The following FAM222A variants were observed in gnomAD, a reference collection of about 807,000 sequenced individuals.
FAM222A encodes the protein protein FAM222A.
In FAM222A, 7 loss-of-function variants were observed where a neutral mutation model predicts 25.8. The ratio of observed to expected loss-of-function variants is 0.27; its 90% CI spans 0.15 to 0.51. The LOEUF (loss-of-function observed/expected upper bound fraction) is 0.51. Ranked by LOEUF, FAM222A falls within the 20% of genes least tolerant of loss-of-function variation. FAM222A has a pLI of 0.97. For missense variants in FAM222A, 573 were observed against 640.5 expected (o/e 0.89, Z 1.14); for synonymous variants, 294 against 298.8 (o/e 0.98, Z 0.17).
At chr12:109,732,442 C>T (rs904648751) in intron 1 of FAM222A, among the ~76,000 whole-genome samples, 10 of 152,370 alleles carry the variant, frequency 6.6e-5, no homozygotes, top group East Asian at 3.9e-4. Flanking sequence ...GGCTCCTGGA[C>T]GCCACCTGCC....
At chr12:109,731,450 T>C (rs911307467) in intron 1 of FAM222A, among the ~76,000 whole-genome samples, 4 of 152,102 alleles carry the variant, frequency 2.6e-5, no homozygotes, top group African/African-American at 9.7e-5. Flanking sequence ...ATCCTCTTCC[T>C]CTCGGAGCCT....
chr12:109,718,529 A>C (rs1464128019), intron 1 of FAM222A, among the ~76,000 whole-genome samples: 1 of 151,652 alleles, frequency 6.6e-6, no homozygotes, highest in East Asian at 2.1e-4. Context: ...GGCGCGCACA[A>C]AAGGGCCGCT....
chr12:109,730,477 G>A (rs1887927043), intron 1 of FAM222A, among the ~76,000 whole-genome samples: 2 of 151,990 alleles, frequency 1.3e-5, no homozygotes, highest in Admixed American at 6.6e-5. Flanking sequence ...GACTCACTGA[G>A]CCCCTGTTGG....
chr12:109,744,215 G>C lies in FAM222A; in HGVS notation c.69G>C (p.Leu23=). 1.9e-6 allele frequency: 3 copies of C among 1,613,160 alleles called. No individual in the cohort carries two copies. Among genetic ancestry groups the C allele is most frequent in the Non-Finnish European group, 2.5e-6 (3 of 1,179,976 alleles). Residue 23 remains leucine, a synonymous_variant, in exon 2 of 3, where the codon CTG becomes CTC. Transcript: ENST00000538780. The stretch of plus-strand genomic sequence containing the variant: ...ACCTGGCCTGCCCGAGCAAGAGCCT[G>C]GAGCTGCGCAAGTGTGAGTAGGACG... The part of the protein sequence containing the change: ...GQHLACPSKS[L]ELRKCEAVAS...
intron 1 of FAM222A, among the ~76,000 whole-genome samples, chr12:109,731,035 T>G (rs534458579): frequency 1.3e-5 from 2 of 152,156 alleles, no homozygotes; most frequent in South Asian, 4.2e-4. Flanking sequence ...CCATGTTTCA[T>G]ATGGAGAAAC....
At chr12:109,767,908 TA>T in intron 2 of FAM222A, 103 bp from the exon 3 acceptor site, 1 of 1,150,900 alleles carries the variant, frequency 8.7e-7, no homozygotes, top group Non-Finnish European at 1.2e-6. Context: ...GAATAAGGAG[TA>T]AAATGAATGG....
intron 1 of FAM222A, chr12:109,735,661 C>G (rs953574245): frequency 2.0e-5 from 3 of 152,242 alleles, no homozygotes; most frequent in Non-Finnish European, 4.4e-5. Context: ...CTCCTTCCCT[C>G]TTTTGGTCTC....
intron 1 of FAM222A, among the ~76,000 whole-genome samples, chr12:109,719,705 C>A (rs540963898): frequency 6.6e-6 from 1 of 152,050 alleles, no homozygotes; most frequent in Admixed American, 6.5e-5. Flanking sequence ...TTTGGAGACC[C>A]GGGAGCATGA....
chr12:109,728,330 A>G (rs919681059), intron 1 of FAM222A, among the ~76,000 whole-genome samples: 3 of 144,718 alleles, frequency 2.1e-5, no homozygotes, highest in Non-Finnish European at 4.5e-5. Context: ...CAGGGGTCCC[A>G]GGGTCCCAGG....
chr12:109,735,307 C>T (rs1888055990), intron 1 of FAM222A, among the ~76,000 whole-genome samples: 1 of 152,256 alleles, frequency 6.6e-6, no homozygotes, highest in Non-Finnish European at 1.5e-5. Flanking sequence ...CAACCAACCC[C>T]GTGGTCCTGG....
chr12:109,722,137 C>T (rs965164696), intron 1 of FAM222A, among the ~76,000 whole-genome samples: 7 of 152,198 alleles, frequency 4.6e-5, no homozygotes, highest in South Asian at 4.2e-4. Context: ...GAAGGGTGAA[C>T]GTCCGGGTGG....
chr12:109,735,266 C>G (rs1001532459), intron 1 of FAM222A, among the ~76,000 whole-genome samples: 1 of 152,230 alleles, frequency 6.6e-6, no homozygotes, highest in African/African-American at 2.4e-5. Context: ...CCAGGCCAAC[C>G]TCTTCCGTGG....
intron 1 of FAM222A, among the ~76,000 whole-genome samples, chr12:109,741,288 A>G (rs1472547180): frequency 1.3e-5 from 2 of 152,140 alleles, no homozygotes; most frequent in African/African-American, 4.8e-5. Context: ...CCTCCTCTTT[A>G]AGTGAAGAGC....
intron 1 of FAM222A, among the ~76,000 whole-genome samples, chr12:109,739,228 C>T (rs1462147132): frequency 1.3e-5 from 2 of 152,236 alleles, no homozygotes; most frequent in African/African-American, 2.4e-5. Context: ...TCAACCCAGC[C>T]TGGCAAGGGG....
intron 1 of FAM222A, among the ~76,000 whole-genome samples, chr12:109,735,385 G>T (rs952056659): frequency 6.6e-6 from 1 of 152,176 alleles, no homozygotes; most frequent in Admixed American, 6.5e-5. Flanking sequence ...CGGTTGTGGC[G>T]TGGGTTACGT....
At chr12:109,738,712 C>T (rs761414965) in intron 1 of FAM222A, among the ~76,000 whole-genome samples, 19 of 152,354 alleles carry the variant, frequency 1.2e-4, no homozygotes, top group Middle Eastern at 3.4e-3. Context: ...ACAATGGCTA[C>T]GTCTAGAGCC....
At chr12:109,745,447 G>A (rs1167859788) in intron 2 of FAM222A, among the ~76,000 whole-genome samples, 2 of 152,224 alleles carry the variant, frequency 1.3e-5, no homozygotes, top group Non-Finnish European at 2.9e-5. Context: ...GGATAAAACT[G>A]CAGGGTACAT....
Position 109,751,553 on chromosome 12 carries a change from A to G in FAM222A, c.82+7325A>G, listed in dbSNP as rs139635408. Among the ~76,000 whole-genome samples, 46 of 152,348 alleles carry G rather than the reference A, an allele frequency of 3.0e-4. 1 individual carries two copies. The East Asian group carries it at 8.9e-3, about 29-fold the overall frequency. On this transcript the variant is annotated intron_variant, in intron 2 of 2. Transcript: ENST00000538780. ...TTCAGGTTGGGGAAAAGCCAGGGCC[A>G]TGTCCTGAGCTAACTAAAAATTTCC... is the stretch of plus-strand genomic sequence containing the variant.
chr12:109,768,455 G>A lies in FAM222A; in HGVS notation c.526G>A (p.Ala176Thr), dbSNP rs772790721. The A allele has an allele frequency of 2.4e-5, 38 of 1,601,302 alleles. No individual in the cohort carries two copies. Among genetic ancestry groups the A allele is most frequent in the South Asian group, 1.1e-4 (10 of 90,962 alleles). The change falls in exon 3 of 3, where the codon GCC (alanine) becomes ACC (threonine). Residue 176 changes from alanine (A) to threonine (T), a missense_variant. By Grantham distance (58) the Ala-to-Thr change is moderately conservative. Coordinates refer to ENST00000538780, the MANE Select transcript of FAM222A (RefSeq NM_032829.3). ...TCCACCACCCGGCCTGCCCGCAGCC[G>A]CCACTGCCGCCTCCGTCATCCCCCT... ...PAPPPGLPAA[A>T]TAASVIPLPG...
Sources: allele counts gnomAD v4.1 joint callset (sites outside exome capture counted in the v4.1 genomes callset), GRCh38; gene constraint gnomAD v4.1.1; transcripts MANE v1.5; gene names NCBI Gene and HGNC (gene_info 2026-07-23, HGNC 2026-07-21).